Variants in SNRPN observed in about 807,000 individuals in gnomAD.
SNRPN encodes the protein small nuclear ribonucleoprotein polypeptide N, also known as small nuclear ribonucleoprotein-associated protein N.
In SNRPN, 7 loss-of-function variants were observed where a neutral mutation model predicts 25.2. That is an observed-to-expected ratio of 0.28 (90% CI 0.16 to 0.52). The LOEUF is 0.52. Ranked by LOEUF, SNRPN falls within the 20% of genes least tolerant of loss-of-function variation. The pLI, the probability that SNRPN is intolerant of heterozygous loss-of-function variation, is 0.96. For missense variants in SNRPN, 196 were observed against 322.5 expected (o/e 0.61, Z 3.00); for synonymous variants, 124 against 110.6 (o/e 1.12, Z -0.76).
intron 1 of SNRPN, among the ~76,000 whole-genome samples, chr15:24,826,428 C>T (rs768737846): frequency 2.6e-5 from 4 of 152,256 alleles, no homozygotes; most frequent in South Asian, 2.1e-4. Flanking sequence ...TCACTGTGCT[C>T]ATTGCCTGAT....
chr15:24,952,035 T>TTA (rs1299539827), upstream of SNRPN, among the ~76,000 whole-genome samples: 1 of 151,990 alleles, frequency 6.6e-6, no homozygotes, highest in African/African-American at 2.4e-5. Flanking sequence ...TTACACGGAT[T>TTA]TATATATATA....
chr15:24,872,871 CA>C (rs202062268), intron 1 of SNRPN, among the ~76,000 whole-genome samples: 4,164 of 58,886 alleles, frequency 0.071, 132 homozygotes, highest in African/African-American at 0.17. Flanking sequence ...GACTCCGTCT[CA>C]AAAAAAAAAA....
At chr15:24,887,193 A>T (rs912626619) in intron 2 of SNRPN, among the ~76,000 whole-genome samples, 1 of 144,134 alleles carries the variant, frequency 6.9e-6, no homozygotes, top group Admixed American at 7.1e-5. Flanking sequence ...TGTTGCCCAG[A>T]CTGGAGTGCA....
At chr15:24,895,707 T>C (rs2058046305) in intron 2 of SNRPN, among the ~76,000 whole-genome samples, 1 of 152,184 alleles carries the variant, frequency 6.6e-6, no homozygotes, top group Non-Finnish European at 1.5e-5. Context: ...ACTCTCTTTG[T>C]GTTACTCTGC....
intron 3 of SNRPN, among the ~76,000 whole-genome samples, chr15:24,936,705 C>T (rs2061255992): frequency 6.6e-6 from 1 of 152,032 alleles, no homozygotes; most frequent in Non-Finnish European, 1.5e-5. Flanking sequence ...GTTCCACACA[C>T]TTTCAGACAA....
intron 1 of SNRPN, among the ~76,000 whole-genome samples, chr15:24,883,890 C>T (rs985137215): frequency 2.0e-5 from 3 of 151,312 alleles, no homozygotes; most frequent in Non-Finnish European, 1.5e-5. Context: ...CCTGTAGTCT[C>T]AGCTACTCGG....
chr15:24,909,381 C>A lies in SNRPN; in HGVS notation c.-504-10630C>A. 18 of 1,600,444 alleles carry A rather than the reference C, an allele frequency of 1.1e-5. No individual in the cohort carries two copies. In the South Asian group the frequency reaches 1.8e-4, roughly 16 times the overall value. ...CCAGTGGTAGTTCTGGCAAGGCCTG[C>A]ATCCAAATAGCAGGTAAAGGCACTT... is the stretch of plus-strand genomic sequence containing the variant. On this transcript the variant is annotated intron_variant, in intron 2 of 11. Transcript: ENST00000400097.
In SNRPN at chr15:24,873,940, A is replaced by C. The variant is rs1399451836; in HGVS notation, c.-578-12576A>C. 2.0e-5 allele frequency among the ~76,000 whole-genome samples: 3 copies of C among 151,920 alleles called. No homozygotes were observed. In the East Asian group the frequency reaches 5.8e-4, roughly 29 times the overall value. On this transcript the variant is annotated intron_variant, in intron 1 of 11. Transcript: ENST00000400097. ...GTAATTTGGACATTTGCAATTCAAG[A>C]AACCTCGCACCTCCCACAGCATACT...
At chr15:24,963,454 A>G (rs956841623) in intron 2 of SNRPN, among the ~76,000 whole-genome samples, 3 of 151,802 alleles carry the variant, frequency 2.0e-5, no homozygotes, top group Admixed American at 6.6e-5. Context: ...GTCTCTCCTA[A>G]AAATACAAAA....
intron 3 of SNRPN, among the ~76,000 whole-genome samples, chr15:24,923,487 G>A (rs78272280): frequency 0.073 from 11,116 of 152,120 alleles, 551 homozygotes; most frequent in Admixed American, 0.16. Flanking sequence ...AGTAGGCCAC[G>A]GAAAAGTACA....
At chr15:24,886,236 T>C (rs74005386) in intron 1 of SNRPN, among the ~76,000 whole-genome samples, 3,295 of 152,268 alleles carry the variant, frequency 0.022, 125 homozygotes, top group African/African-American at 0.075. Flanking sequence ...TCCCAGCTTG[T>C]CTTCAGCAAG....
Position 24,867,144 on chromosome 15 carries a change from C to T in SNRPN, c.-579+10428C>T, listed in dbSNP as rs189301018. 2.0e-5 allele frequency among the ~76,000 whole-genome samples: 3 copies of T among 152,166 alleles called. No homozygotes were observed. In the East Asian group the frequency reaches 5.8e-4, roughly 29 times the overall value. On this transcript the variant is annotated intron_variant, in intron 1 of 11. Transcript: ENST00000400097. ...ATTTCATTTTCTTTGGATATATAGC[C>T]AGCGTTGGGATTGCTAGATCTTATG...
chr15:24,846,184 G>T (rs1192655591), intron 2 of SNRPN, among the ~76,000 whole-genome samples: 9 of 151,998 alleles, frequency 5.9e-5, no homozygotes, highest in African/African-American at 2.2e-4. Flanking sequence ...AATCTGATCA[G>T]CATTTTCTAA....
chr15:24,879,164 G>A (rs1456246101), intron 1 of SNRPN, among the ~76,000 whole-genome samples: 1 of 152,166 alleles, frequency 6.6e-6, no homozygotes, highest in Non-Finnish European at 1.5e-5. Context: ...GCCGGGTGCG[G>A]TGGCTCACGC....
intron 1 of SNRPN, among the ~76,000 whole-genome samples, chr15:24,878,708 A>T (rs1448391711): frequency 6.6e-6 from 1 of 152,208 alleles, no homozygotes; most frequent in Admixed American, 6.5e-5. Flanking sequence ...AACATTGACC[A>T]GTAATTGTAT....
At chr15:24,931,350 C>A (rs1445596225) in intron 3 of SNRPN, among the ~76,000 whole-genome samples, 1 of 152,074 alleles carries the variant, frequency 6.6e-6, no homozygotes. Context: ...ACATTTTAAT[C>A]ACTAATAACT....
chr15:24,883,570 C>T (rs1234194414), intron 1 of SNRPN, among the ~76,000 whole-genome samples: 1 of 152,214 alleles, frequency 6.6e-6, no homozygotes, highest in Non-Finnish European at 1.5e-5. Flanking sequence ...TAATAACAGG[C>T]ATCATTGGCA....
intron 2 of SNRPN, among the ~76,000 whole-genome samples, chr15:24,895,400 AACACACACAC>A (rs10558727): frequency 0.18 from 26,767 of 147,226 alleles, 2,636 homozygotes; most frequent in African/African-American, 0.27. Context: ...AATACACCCA[AACACACACAC>A]ACACACACAC....
chr15:24,918,463 T>C (rs2059704873), intron 2 of SNRPN, among the ~76,000 whole-genome samples: 1 of 131,486 alleles, frequency 7.6e-6, no homozygotes, highest in Admixed American at 8.7e-5. Flanking sequence ...TAACATAATA[T>C]ATATGTGTAT....
Sources: gnomAD v4.1 joint callset for allele counts (sites outside exome capture counted in the v4.1 genomes callset) on GRCh38, gnomAD v4.1.1 for gene constraint, MANE v1.5 for transcripts, NCBI Gene and HGNC (gene_info 2026-07-23, HGNC 2026-07-21) for gene names.